The following SH3D19 variants were observed in gnomAD, a reference collection of about 807,000 sequenced individuals.
SH3D19 encodes SH3 domain-containing protein 19.
A neutral mutation model predicts 112.1 loss-of-function variants in SH3D19; 58 were observed. The observed-to-expected ratio is 0.52, with a 90% CI of 0.42 to 0.64. The LOEUF (loss-of-function observed/expected upper bound fraction) is 0.64, where lower values mean the gene tolerates loss of function less well. Among genes scored for constraint, SH3D19 ranks in the 30% least tolerant of loss-of-function variants. The pLI, the probability that SH3D19 is intolerant of heterozygous loss-of-function variation, is 0.00. For synonymous variants in SH3D19, 391 were observed against 448.5 expected (o/e 0.87, Z 1.62); for missense variants, 1,090 against 1,263.4 (o/e 0.86, Z 2.08).
At chr4:151,198,442 TATAA>T (rs1196101960) in intron 2 of SH3D19, among the ~76,000 whole-genome samples, 1 of 140,390 alleles carries the variant, frequency 7.1e-6, no homozygotes, top group Non-Finnish European at 1.5e-5. Flanking sequence ...ATAAAATATA[TATAA>T]AAATATATAT....
intron 1 of SH3D19, among the ~76,000 whole-genome samples, chr4:151,296,044 A>AG (rs1554068533): frequency 2.0e-5 from 3 of 150,844 alleles, no homozygotes; most frequent in African/African-American, 4.9e-5. Context: ...CAAAAAAAAA[A>AG]AAAGAAAGAA....
At chr4:151,255,525 C>T (rs1344150157) in intron 1 of SH3D19, among the ~76,000 whole-genome samples, 6 of 150,118 alleles carry the variant, frequency 4.0e-5, no homozygotes, top group African/African-American at 9.9e-5. Context: ...CGGGCGGAGA[C>T]GCTCCTCACT....
chr4:151,278,694 G>A (rs1351892881), intron 1 of SH3D19, among the ~76,000 whole-genome samples: 1 of 151,492 alleles, frequency 6.6e-6, no homozygotes, highest in African/African-American at 2.4e-5. Flanking sequence ...GCAGTGGCAT[G>A]ATCTAAACTC....
In SH3D19 at chr4:151,219,731, C is replaced by T. The variant is rs369282737; in HGVS notation, c.152+6316G>A. Among the ~76,000 whole-genome samples, 25 of 152,248 alleles carry T rather than the reference C, an allele frequency of 1.6e-4. No homozygotes were observed. The South Asian group carries it at 2.7e-3, about 16-fold the overall frequency. ...CTTTATCCTGGATACTAACCTTTGT[C>T]ACCTACGTGCACTGCACAGTCATGA... is the stretch of plus-strand genomic sequence containing the variant. On this transcript the variant is annotated intron_variant, in intron 2 of 19. Transcript: ENST00000604030.
chr4:151,170,820 A>G (rs1028830609), intron 7 of SH3D19: 3 of 152,236 alleles, frequency 2.0e-5, no homozygotes, highest in Non-Finnish European at 4.4e-5. Flanking sequence ...CAAAATGCAT[A>G]CAGTGAAAAC....
At chr4:151,149,077 G>A (rs1754471953) in intron 10 of SH3D19, among the ~76,000 whole-genome samples, 2 of 151,972 alleles carry the variant, frequency 1.3e-5, no homozygotes, top group South Asian at 4.2e-4. Flanking sequence ...TAGTAATAAT[G>A]TCTTCTGATA....
chr4:151,197,783 A>T (rs1359400511), intron 2 of SH3D19, among the ~76,000 whole-genome samples: 1 of 152,248 alleles, frequency 6.6e-6, no homozygotes. Context: ...TCATTTTAAA[A>T]GTAAAAACAA....
chr4:151,265,632 A>G (rs1205438134), intron 1 of SH3D19, among the ~76,000 whole-genome samples: 1 of 134,766 alleles, frequency 7.4e-6, no homozygotes, highest in Non-Finnish European at 1.5e-5. Context: ...GCTGGAGTAT[A>G]GTGGCACAAT....
chr4:151,186,794 A>ATT lies in SH3D19; in HGVS notation c.193+627_193+628dup, dbSNP rs1225256937. Among the ~76,000 whole-genome samples, 389 of 125,816 alleles carry ATT rather than the reference A, an allele frequency of 3.1e-3. 1 individual carries two copies. Among genetic ancestry groups the ATT allele is most frequent in the African/African-American group, 0.01 (334 of 32,982 alleles). 82.5% of individuals were successfully genotyped at this position (125,816 alleles called of 152,430 possible). ...TCTAACTCTAGAAAATGGTTACATA[A>ATT]TTTTTTTTTTTTTTTTTTGAGATGG... On this transcript the variant is annotated intron_variant, in intron 3 of 19. Coordinates refer to ENST00000604030, the MANE Select transcript of SH3D19 (RefSeq NM_001378122.1).
At chr4:151,307,997 C>G (rs1013092540) in intron 1 of SH3D19, among the ~76,000 whole-genome samples, 2 of 152,182 alleles carry the variant, frequency 1.3e-5, no homozygotes, top group African/African-American at 4.8e-5. Context: ...CCTCCACCTC[C>G]CGGGTTCAAG....
chr4:151,279,823 G>A (rs376536700), intron 1 of SH3D19: 33 of 1,613,774 alleles, frequency 2.0e-5, no homozygotes, highest in Non-Finnish European at 2.2e-5. Flanking sequence ...TACTCCAGCC[G>A]CGTTGTAGGT....
intron 1 of SH3D19, among the ~76,000 whole-genome samples, chr4:151,237,023 A>T (rs1385925699): frequency 2.0e-5 from 3 of 152,210 alleles, no homozygotes; most frequent in Admixed American, 2.0e-4. Flanking sequence ...CATACTGTGG[A>T]AGCTTTGTTC....
intron 1 of SH3D19, among the ~76,000 whole-genome samples, chr4:151,254,359 T>A (rs987578018): frequency 2.0e-5 from 3 of 151,178 alleles, no homozygotes; most frequent in Non-Finnish European, 4.4e-5. Flanking sequence ...TTCTTGGGTG[T>A]TTCTCACAGA....
intron 12 of SH3D19, among the ~76,000 whole-genome samples, chr4:151,142,174 T>TA (rs747217785): frequency 1.8e-4 from 27 of 152,388 alleles, no homozygotes; most frequent in South Asian, 4.1e-4. Context: ...CACCATGTGC[T>TA]AGTCACTGTG....
At chr4:151,257,385 G>A (rs893163996) in intron 1 of SH3D19, among the ~76,000 whole-genome samples, 4 of 152,236 alleles carry the variant, frequency 2.6e-5, no homozygotes, top group African/African-American at 9.6e-5. Context: ...ACCATGCCCA[G>A]GAGATAACTC....
intron 14 of SH3D19, among the ~76,000 whole-genome samples, chr4:151,136,325 T>A (rs1316200470): frequency 1.3e-5 from 2 of 151,602 alleles, no homozygotes; most frequent in Non-Finnish European, 2.9e-5. Flanking sequence ...TTTTTCAATT[T>A]TTTGTGGGGA....
intron 9 of SH3D19, 36 bp downstream of exon 9, chr4:151,159,204 G>C: frequency 2.6e-6 from 3 of 1,164,936 alleles, no homozygotes; most frequent in Non-Finnish European, 3.6e-6. Flanking sequence ...GCATAGCTAC[G>C]TCTTCAATCT....
At chr4:151,194,947 T>C (rs2149870605) in intron 2 of SH3D19, among the ~76,000 whole-genome samples, 1 of 151,512 alleles carries the variant, frequency 6.6e-6, no homozygotes, top group South Asian at 2.1e-4. Flanking sequence ...TGGTGGCACC[T>C]GCCTGTAATC....
intron 1 of SH3D19, among the ~76,000 whole-genome samples, chr4:151,301,549 T>C (rs1266263478): frequency 6.6e-6 from 1 of 151,956 alleles, no homozygotes; most frequent in Non-Finnish European, 1.5e-5. Flanking sequence ...GTTTTAAAGG[T>C]GTGTGGCACT....
Sources: gnomAD v4.1 joint callset for allele counts (sites outside exome capture counted in the v4.1 genomes callset) on GRCh38, gnomAD v4.1.1 for gene constraint, MANE v1.5 for transcripts, NCBI Gene and HGNC (gene_info 2026-07-23, HGNC 2026-07-21) for gene names.